CTNND2: variants seen among roughly 807,000 people sequenced by gnomAD.
The protein encoded by CTNND2 is catenin delta-2.
In CTNND2, 22 loss-of-function variants were observed where a neutral mutation model predicts 144.4. The ratio of observed to expected loss-of-function variants is 0.15; its 90% CI spans 0.11 to 0.22. The LOEUF is 0.22. Among genes scored for constraint, CTNND2 ranks in the 10% least tolerant of loss-of-function variants. CTNND2 has a pLI of 1.00. For missense variants in CTNND2, 1,353 were observed against 1,618.8 expected (o/e 0.84, Z 2.82); for synonymous variants, 751 against 695.6 (o/e 1.08, Z -1.25).
At chr5:11,190,523 G>C (rs1736133597) in intron 11 of CTNND2, among the ~76,000 whole-genome samples, 1 of 152,216 alleles carries the variant, frequency 6.6e-6, no homozygotes, top group Non-Finnish European at 1.5e-5. Flanking sequence ...AAAAGGCCTG[G>C]AGTCTGGCCT....
intron 2 of CTNND2, among the ~76,000 whole-genome samples, chr5:11,638,832 G>C (rs1469435): frequency 1 from 152,174 of 152,300 alleles, 76,024 homozygotes; most frequent in Middle Eastern, 1. Context: ...CCTCAGCCCC[G>C]CAAAGTGCTA....
intron 1 of CTNND2, among the ~76,000 whole-genome samples, chr5:11,816,618 A>AGAGAGAGC (rs1792677159): frequency 8.0e-6 from 1 of 125,176 alleles, no homozygotes; most frequent in Non-Finnish European, 1.7e-5. Context: ...AGAGAGAGAG[A>AGAGAGAGC]GAGGGAAGAG....
chr5:11,103,171 G>A lies in CTNND2; in HGVS notation c.2464-4423C>T, dbSNP rs191308173. On this transcript the variant is annotated intron_variant, in intron 14 of 21. Coordinates refer to ENST00000304623, the MANE Select transcript of CTNND2 (RefSeq NM_001332.4). Reference sequence around the variant, plus strand: ...TAATTTTTGTATTTTTAGTAGAGACGGGGTTTCGCCATGTTGGCCTGGCTG... The same window carrying A: ...TAATTTTTGTATTTTTAGTAGAGACAGGGTTTCGCCATGTTGGCCTGGCTG... Among the ~76,000 whole-genome samples the A allele has an allele frequency of 5.1e-3, 766 of 151,288 alleles. 8 individuals are homozygous for A. The highest frequency in any genetic ancestry group is 0.017 in the African/African-American group (716 of 41,266).
intron 2 of CTNND2, among the ~76,000 whole-genome samples, chr5:11,589,960 A>C (rs892729601): frequency 2.0e-5 from 3 of 152,186 alleles, no homozygotes; most frequent in African/African-American, 7.2e-5. Context: ...GAAGGGAAAC[A>C]CTAGTCTTCA....
intron 9 of CTNND2, among the ~76,000 whole-genome samples, chr5:11,241,378 G>A (rs114991704): frequency 0.017 from 2,630 of 152,268 alleles, 36 homozygotes; most frequent in Middle Eastern, 0.031. Context: ...AAAAAGCCCC[G>A]ATCATTAAGC....
At chr5:11,566,689 C>T (rs763216961) in intron 2 of CTNND2, among the ~76,000 whole-genome samples, 1 of 152,202 alleles carries the variant, frequency 6.6e-6, no homozygotes, top group Non-Finnish European at 1.5e-5. Context: ...TGAAACAGTG[C>T]AGTATTTGGA....
At chr5:11,361,172 C>A (rs1411408732) in intron 8 of CTNND2, among the ~76,000 whole-genome samples, 3 of 152,124 alleles carry the variant, frequency 2.0e-5, no homozygotes, top group Non-Finnish European at 4.4e-5. Context: ...TGGCGCCTGC[C>A]ACCATGCCCG....
intron 1 of CTNND2, among the ~76,000 whole-genome samples, chr5:11,833,106 T>C (rs758147704): frequency 6.6e-6 from 1 of 152,194 alleles, no homozygotes; most frequent in African/African-American, 2.4e-5. Context: ...AAGCTAAGCA[T>C]GCAATTAAGA....
intron 3 of CTNND2, among the ~76,000 whole-genome samples, chr5:11,531,731 A>G (rs1773763484): frequency 6.6e-6 from 1 of 152,250 alleles, no homozygotes; most frequent in African/African-American, 2.4e-5. Context: ...GAAAGAATAA[A>G]GGATGAAATA....
Position 11,755,641 on chromosome 5 carries a change from C to CTTTTT in CTNND2, c.38-23374_38-23370dup, listed in dbSNP as rs377766540. Among the ~76,000 whole-genome samples, 42 of 140,212 alleles carry CTTTTT rather than the reference C, an allele frequency of 3.0e-4. 1 individual carries two copies. Among genetic ancestry groups the CTTTTT allele is most frequent in the African/African-American group, 9.3e-4 (36 of 38,536 alleles). 92.0% of individuals were successfully genotyped at this position (140,212 alleles called of 152,430 possible). A position where few individuals can be genotyped will look rare whatever the true frequency, so the allele number is the denominator to read the frequency against. ...TTTCTAGGAGTTTTTGTTCATTCTT[C>CTTTTT]TTTTTTTTTTTTGTCTGATCATTTT... On this transcript the variant is annotated intron_variant, in intron 1 of 21. Transcript: ENST00000304623.
intron 10 of CTNND2, among the ~76,000 whole-genome samples, chr5:11,222,999 C>T (rs1281592720): frequency 6.6e-6 from 1 of 152,102 alleles, no homozygotes; most frequent in African/African-American, 2.4e-5. Context: ...GAGGTGTTTC[C>T]TTACATAAAG....
chr5:11,688,034 C>T (rs7718416), intron 2 of CTNND2, among the ~76,000 whole-genome samples: 16,311 of 151,990 alleles, frequency 0.11, 2,922 homozygotes, highest in African/African-American at 0.37. Flanking sequence ...TTTGCCTGGG[C>T]GAGTGATAAT....
At chr5:11,602,753 AG>A (rs1263680853) in intron 2 of CTNND2, among the ~76,000 whole-genome samples, 1 of 145,404 alleles carries the variant, frequency 6.9e-6, no homozygotes, top group Non-Finnish European at 1.5e-5. Context: ...TATATATAAT[AG>A]ATATATTATT....
chr5:11,036,003 G>T (rs754310767), intron 16 of CTNND2, among the ~76,000 whole-genome samples: 6 of 152,104 alleles, frequency 3.9e-5, no homozygotes, highest in Non-Finnish European at 5.9e-5. Context: ...GTTAGTGTTG[G>T]GTTTTCTCTC....
intron 12 of CTNND2, among the ~76,000 whole-genome samples, chr5:11,148,678 C>A (rs1186166216): frequency 6.6e-6 from 1 of 152,208 alleles, no homozygotes; most frequent in Non-Finnish European, 1.5e-5. Context: ...CCCCTTCTGT[C>A]CCCGTGGGAG....
chr5:11,158,866 A>G (rs1425398228), intron 12 of CTNND2, among the ~76,000 whole-genome samples: 2 of 152,200 alleles, frequency 1.3e-5, no homozygotes, highest in African/African-American at 2.4e-5. Flanking sequence ...CTTTGGTACA[A>G]AATACAACAC....
chr5:11,175,256 T>C (rs1163221795), intron 11 of CTNND2, among the ~76,000 whole-genome samples: 1 of 152,160 alleles, frequency 6.6e-6, no homozygotes, highest in African/African-American at 2.4e-5. Flanking sequence ...TATTCTCAAG[T>C]TTTCTAGATG....
intron 2 of CTNND2, among the ~76,000 whole-genome samples, chr5:11,666,642 T>C (rs1783583111): frequency 6.6e-6 from 1 of 152,180 alleles, no homozygotes; most frequent in Non-Finnish European, 1.5e-5. Context: ...GAGTTGGAGC[T>C]TGTGCTTGGC....
At chr5:11,186,952 C>T (rs1033184964) in intron 11 of CTNND2, among the ~76,000 whole-genome samples, 2 of 152,114 alleles carry the variant, frequency 1.3e-5, no homozygotes, top group Non-Finnish European at 2.9e-5. Context: ...CTGGACGGTA[C>T]GTAGCACTAT....
Sources: gnomAD v4.1 joint callset for allele counts (sites outside exome capture counted in the v4.1 genomes callset) on GRCh38, gnomAD v4.1.1 for gene constraint, MANE v1.5 for transcripts, NCBI Gene and HGNC (gene_info 2026-07-23, HGNC 2026-07-21) for gene names.